The following SETD1A variants were observed in gnomAD, a reference collection of about 807,000 sequenced individuals.
SETD1A encodes the protein SET domain containing 1A, histone lysine methyltransferase.
A neutral mutation model predicts 149.9 loss-of-function variants in SETD1A; 29 were observed. The observed-to-expected ratio is 0.19, with a 90% CI of 0.14 to 0.26. SETD1A has a LOEUF of 0.26. Ranked by LOEUF, SETD1A falls within the 10% of genes least tolerant of loss-of-function variation. The probability of loss-of-function intolerance (pLI) is 1.00; values close to 1 mark genes in which losing one functional copy is unlikely to be tolerated. For missense variants in SETD1A, 2,109 were observed against 2,353.1 expected (o/e 0.90, Z 2.15); for synonymous variants, 1,141 against 968.5 (o/e 1.18, Z -3.31).
chr16:30,959,482 A>G (rs183066069), intron 3 of SETD1A, among the ~76,000 whole-genome samples: 9 of 152,310 alleles, frequency 5.9e-5, no homozygotes, highest in Admixed American at 1.3e-4. Flanking sequence ...AGTGCATCAT[A>G]GCACACAAGA....
chr16:30,969,585 T>C lies in SETD1A; in HGVS notation c.2929-17T>C. ...TTGTCCCCTTCCTGTTAGTCCTCAT[T>C]TGTCTTTTTTCTTAAGGATGAGGAG... On this transcript the variant is annotated splice_polypyrimidine_tract_variant and intron_variant, in intron 11 of 18. Transcript: ENST00000262519. The C allele has an allele frequency of 1.2e-6, 2 of 1,612,872 alleles. No individual in the cohort carries two copies. Among genetic ancestry groups the C allele is most frequent in the Non-Finnish European group, 1.7e-6 (2 of 1,178,934 alleles).
intron 10 of SETD1A, 93 bp downstream of exon 10, chr16:30,967,681 G>A (rs555577603): frequency 1.1e-5 from 12 of 1,044,462 alleles, no homozygotes; most frequent in Non-Finnish European, 1.6e-5. Flanking sequence ...GTCGTCCTGA[G>A]GGCACAGCCA....
intron 17 of SETD1A, among the ~76,000 whole-genome samples, chr16:30,981,708 G>T (rs1178232461): frequency 2.0e-5 from 3 of 152,212 alleles, no homozygotes; most frequent in African/African-American, 7.2e-5. Context: ...CCTGGGAAGC[G>T]GGAGGACAGG....
In SETD1A at chr16:30,965,072, G is replaced by C. The variant is rs745869079; in HGVS notation, c.1330G>C (p.Gly444Arg). 2.5e-6 allele frequency: 4 copies of C among 1,611,194 alleles called. No individual in the cohort carries two copies. The highest frequency in any genetic ancestry group is 2.2e-5 in the East Asian group (1 of 44,870). Residue 444 changes from glycine (G) to arginine (R), a missense_variant, in exon 7 of 19, where the codon GGG becomes CGG. Gly to Arg is a moderately radical substitution (Grantham distance 125). Around this residue, in one of 8 missense-constraint regions of SETD1A, gnomAD observed 410 missense variants for 394.8 expected, o/e 1.04. Coordinates refer to ENST00000262519, the MANE Select transcript of SETD1A (RefSeq NM_014712.3). ...PPEPPEPGGG[G>R]GGGGPSPERE... Reference sequence around the variant, plus strand: ...GGAGCCTCCAGAACCTGGTGGAGGCGGGGGTGGAGGAGGGCCCAGCCCTGA... The same window carrying C: ...GGAGCCTCCAGAACCTGGTGGAGGCCGGGGTGGAGGAGGGCCCAGCCCTGA...
chr16:30,968,109 T>C (rs573109516), intron 10 of SETD1A, among the ~76,000 whole-genome samples: 2 of 152,192 alleles, frequency 1.3e-5, no homozygotes, highest in Admixed American at 6.6e-5. Flanking sequence ...ACAGGACATA[T>C]TTAAAACTGT....
Position 30,964,113 on chromosome 16 carries a change from C to T in SETD1A, c.659C>T (p.Ser220Phe), listed in dbSNP as rs1220448000. Residue 220 changes from serine (S) to phenylalanine (F), a missense_variant, in exon 6 of 19, where the codon TCT (serine) becomes TTT (phenylalanine). Physicochemically the swap from Ser to Phe is radical, Grantham distance 155. Transcript: ENST00000262519. ...CTCTAGGCCGAATCCCGCCGCCGCT[C>T]TTCCTCTGACACAGCTGCCTACCCA... ...ATETAESRRR[S>F]SSDTAAYPAG... 6.2e-7 allele frequency: 1 copy of T among 1,613,722 alleles called. No homozygotes were observed. The highest frequency in any genetic ancestry group is 1.7e-4 in the Middle Eastern group (1 of 6,060).
In SETD1A at chr16:30,983,846, G is replaced by T. The variant is rs374039092; in HGVS notation, c.4951-4G>T. ...CCACGGCTCACACGCCCTTCCATCC[G>T]CAGCCTAACTGCTACGCCAAGGTCA... On this transcript the variant is annotated splice_region_variant and splice_polypyrimidine_tract_variant and intron_variant, in intron 18 of 18. Transcript: ENST00000262519. The surrounding 1 kb of genome is among the most constrained non-coding windows in gnomAD (Gnocchi z 6.8). 2 of 1,609,414 alleles carry T rather than the reference G, an allele frequency of 1.2e-6. No individual in the cohort carries two copies. The highest frequency in any genetic ancestry group is 1.7e-6 in the Non-Finnish European group (2 of 1,177,218).
Position 30,980,735 on chromosome 16 carries a change from A to G in SETD1A, c.4582-4A>G. 6.2e-7 allele frequency: 1 copy of G among 1,611,796 alleles called. No individual in the cohort carries two copies. The highest frequency in any genetic ancestry group is 8.5e-7 in the Non-Finnish European group (1 of 1,179,156). ...TCACCTCCTCCCTGCCGTGTGTCTC[A>G]CAGGGGACGAACCGCGTGCTGTCCG... On this transcript the variant is annotated splice_region_variant and splice_polypyrimidine_tract_variant and intron_variant, in intron 15 of 18. Coordinates refer to ENST00000262519, the MANE Select transcript of SETD1A (RefSeq NM_014712.3). The surrounding 1 kb of genome is among the most constrained non-coding windows in gnomAD (Gnocchi z 7.7).
rs2056010363 is a variant in SETD1A, at chr16:30,959,126, C to T, written c.186C>T (p.Asp62=). Residue 62 remains aspartate, a synonymous_variant, in exon 3 of 19, where the codon GAC becomes GAT. Coordinates refer to ENST00000262519, the MANE Select transcript of SETD1A (RefSeq NM_014712.3). ...SKYIPVEDLQ[D]PRCHVRSKNR... is the part of the protein sequence containing the mutation. ...ATATACCAGTCGAAGACCTCCAAGA[C>T]CCCCGTTGCCATGTCAGGTCCAAAA... 3.1e-6 allele frequency: 5 copies of T among 1,613,764 alleles called. No individual in the cohort carries two copies. Among genetic ancestry groups the T allele is most frequent in the Non-Finnish European group, 3.4e-6 (4 of 1,179,658 alleles).
Position 30,965,043 on chromosome 16 carries a change from C to A in SETD1A, c.1301C>A (p.Pro434His). The A allele has an allele frequency of 2.5e-6, 4 of 1,612,504 alleles. No homozygotes were observed. The highest frequency in any genetic ancestry group is 3.4e-6 in the Non-Finnish European group (4 of 1,179,574). The part of the protein sequence containing the change: ...DYRPPASEAP[P>H]PEPPEPGGGG... ...CGGCCTCCTGCCTCAGAGGCTCCAC[C>A]CCCGGAGCCTCCAGAACCTGGTGGA... is the stretch of plus-strand genomic sequence containing the variant. Residue 434 changes from proline (P) to histidine (H), a missense_variant, in exon 7 of 19, where the codon CCC becomes CAC. This residue lies in a region of SETD1A where 410 missense variants were observed against 394.8 expected (regional missense o/e 1.04). Coordinates refer to ENST00000262519, the MANE Select transcript of SETD1A (RefSeq NM_014712.3).
chr16:30,980,670 C>G lies in SETD1A; in HGVS notation c.4581+13C>G, dbSNP rs746396138. ...CGTGGACACTCAGGTGGGCCTAACC[C>G]CGCCGCCGCGTCCTCCTGCCACTCA... On this transcript the variant is annotated intron_variant, in intron 15 of 18. Coordinates refer to ENST00000262519, the MANE Select transcript of SETD1A (RefSeq NM_014712.3). This position sits in a 1 kb window ranked among gnomAD's most constrained non-coding sequence, Gnocchi z 7.7. 10 of 1,610,560 alleles carry G rather than the reference C, an allele frequency of 6.2e-6. No individual in the cohort carries two copies. The highest frequency in any genetic ancestry group is 4.4e-5 in the South Asian group (4 of 90,918).
rs77629478 is a variant in SETD1A, at chr16:30,959,737, T to C, written c.246+551T>C. Among the ~76,000 whole-genome samples, 685 of 107,236 alleles carry C rather than the reference T, an allele frequency of 6.4e-3. 7 individuals are homozygous for C. The highest frequency in any genetic ancestry group is 0.018 in the African/African-American group (667 of 36,456). The allele number at this position is 107,236 out of a possible 152,430, so 70.4% of individuals were successfully genotyped here. ...CTAAATAAATTGTTTGTGGGGTCCC[T>C]TCATTCTTCTTCTTCTTTTTTTTTT... On this transcript the variant is annotated intron_variant, in intron 3 of 18. Coordinates refer to ENST00000262519, the MANE Select transcript of SETD1A (RefSeq NM_014712.3).
rs894166227 is a variant in SETD1A at position 30,957,953 on chromosome 16, G to A, written c.-27G>A. 1.3e-5 allele frequency: 2 copies of A among 152,330 alleles called. No homozygotes were observed. Among genetic ancestry groups the A allele is most frequent in the African/African-American group, 4.8e-5 (2 of 41,452 alleles). The allele number at this position is 152,330 out of a possible 1,614,324, so 9.4% of individuals were successfully genotyped here. A position where few individuals can be genotyped will look rare whatever the true frequency, so the allele number is the denominator to read the frequency against. ...GCGAATGCAGACCCTGTGCCCGCTG[G>A]GCCTCGCGCAGGTGGCAGTGGTGTT... On this transcript the variant is annotated 5_prime_UTR_variant, in exon 1 of 19. Coordinates refer to ENST00000262519, the MANE Select transcript of SETD1A (RefSeq NM_014712.3).
intron 1 of SETD1A, 72 bp from the exon 2 acceptor site, chr16:30,958,645 G>T (rs2056001214): frequency 7.5e-7 from 1 of 1,340,542 alleles, no homozygotes; most frequent in East Asian, 2.3e-5. Flanking sequence ...ATCGGGGCTA[G>T]CCAATGAGGA....
intron 3 of SETD1A, among the ~76,000 whole-genome samples, chr16:30,960,588 A>C (rs1337503092): frequency 2.0e-5 from 3 of 151,976 alleles, no homozygotes; most frequent in East Asian, 3.8e-4. Flanking sequence ...CTGTATGGGA[A>C]TCTCTTCCTT....
In SETD1A at chr16:30,980,644, G is replaced by A. The variant is rs1017141973; in HGVS notation, c.4568G>A (p.Gly1523Asp). Reference protein sequence around the residue: ...VCPVSARQLEGVDTQGTNRVL... With the variant: ...VCPVSARQLEDVDTQGTNRVL... Reference sequence around the variant, plus strand: ...CCAGTCTCGGCCCGGCAGCTGGAGGGCGTGGACACTCAGGTGGGCCTAACC... The same window carrying A: ...CCAGTCTCGGCCCGGCAGCTGGAGGACGTGGACACTCAGGTGGGCCTAACC... Residue 1523 changes from glycine to aspartate, a missense_variant, in exon 15 of 19, where the codon GGC becomes GAC. Gly to Asp is a moderately conservative substitution (Grantham distance 94, BLOSUM62 -1). This residue lies in a region of SETD1A where 254 missense variants were observed against 409.3 expected (regional missense o/e 0.62). Coordinates refer to ENST00000262519, the MANE Select transcript of SETD1A (RefSeq NM_014712.3). The surrounding 1 kb of genome is among the most constrained non-coding windows in gnomAD (Gnocchi z 7.7). The A allele has an allele frequency of 6.2e-7, 1 of 1,613,094 alleles. No individual in the cohort carries two copies. The highest frequency in any genetic ancestry group is 8.5e-7 in the Non-Finnish European group (1 of 1,179,926).
chr16:30,975,555 C>T (rs2056275450), intron 13 of SETD1A, among the ~76,000 whole-genome samples: 2 of 151,088 alleles, frequency 1.3e-5, no homozygotes, highest in Admixed American at 1.3e-4. Flanking sequence ...CTCAGCTTCC[C>T]AAGCAGCTGG....
chr16:30,967,383 A>T (rs545044385), intron 9 of SETD1A, 118 bp from the exon 10 acceptor site: 1 of 878,462 alleles, frequency 1.1e-6, no homozygotes, highest in East Asian at 2.5e-5. Flanking sequence ...TGAACTCCTA[A>T]CCTCAGGTGA....
chr16:30,978,886 G>A (rs181745954), intron 13 of SETD1A, among the ~76,000 whole-genome samples: 2 of 152,320 alleles, frequency 1.3e-5, no homozygotes, highest in East Asian at 3.9e-4. Context: ...CTGTGGCTCC[G>A]GGAGGACATG....
Sources: allele counts gnomAD v4.1 joint callset (sites outside exome capture counted in the v4.1 genomes callset), GRCh38; gene constraint gnomAD v4.1.1; regional missense constraint gnomAD v4.1.1; non-coding constraint Gnocchi (gnomAD v3.1); transcripts MANE v1.5; gene names NCBI Gene and HGNC (gene_info 2026-07-23, HGNC 2026-07-21).